ADRA1B: variants seen among roughly 807,000 people sequenced by gnomAD.
ADRA1B encodes the protein alpha-1B adrenergic receptor.
Under a neutral mutation model 17.9 loss-of-function variants are expected in ADRA1B, and 17 were observed. That is an observed-to-expected ratio of 0.95 (90% CI 0.65 to 1.42). The LOEUF is 1.42. Ranked by LOEUF, ADRA1B falls within the 40% of genes most tolerant of loss-of-function variation. ADRA1B has a pLI of 0.00. For missense variants in ADRA1B, 681 were observed against 722.1 expected, an observed-to-expected ratio of 0.94 and a Z score of 0.65; for synonymous variants, 366 against 327.6, an observed-to-expected ratio of 1.12 and a Z score of -1.27.
chr5:159,889,679 A>G (rs1228887044), intron 1 of ADRA1B, among the ~76,000 whole-genome samples: 1 of 152,198 alleles, frequency 6.6e-6, no homozygotes, highest in Non-Finnish European at 1.5e-5. Flanking sequence ...AATGGCATTC[A>G]GGTTCCAACG....
intron 1 of ADRA1B, among the ~76,000 whole-genome samples, chr5:159,896,391 A>G (rs755831015): frequency 1.4e-4 from 21 of 152,216 alleles, no homozygotes; most frequent in African/African-American, 2.4e-5. Context: ...TCTGGGGAAC[A>G]TGCTTCCATG....
chr5:159,922,039 A>G (rs987084323), intron 1 of ADRA1B, among the ~76,000 whole-genome samples: 8 of 152,230 alleles, frequency 5.3e-5, no homozygotes, highest in East Asian at 1.9e-4. Flanking sequence ...CCATTTGACC[A>G]TGTATTAAAT....
chr5:159,954,953 A>G (rs1755477549), intron 1 of ADRA1B, among the ~76,000 whole-genome samples: 1 of 152,106 alleles, frequency 6.6e-6, no homozygotes, highest in South Asian at 2.1e-4. Context: ...GGAGACTTTG[A>G]GGGCTGGAAT....
chr5:159,877,117 G>A (rs944265966), intron 1 of ADRA1B, among the ~76,000 whole-genome samples: 1 of 152,168 alleles, frequency 6.6e-6, no homozygotes, highest in Admixed American at 6.5e-5. Context: ...TTTCTGGAAT[G>A]GGAGCCTCAG....
At chr5:159,910,587 C>G (rs1754217866) in intron 1 of ADRA1B, among the ~76,000 whole-genome samples, 1 of 152,228 alleles carries the variant, frequency 6.6e-6, no homozygotes, top group Non-Finnish European at 1.5e-5. Context: ...CTTTACCGGA[C>G]AGACGGTCTC....
intron 1 of ADRA1B, among the ~76,000 whole-genome samples, chr5:159,908,830 C>T (rs529878276): frequency 1.4e-4 from 22 of 152,310 alleles, no homozygotes; most frequent in Middle Eastern, 3.4e-3. Context: ...CAATGCTTAC[C>T]TGTAAGTGGG....
intron 1 of ADRA1B, among the ~76,000 whole-genome samples, chr5:159,919,443 C>A (rs1182514697): frequency 6.6e-6 from 1 of 152,202 alleles, no homozygotes; most frequent in Admixed American, 6.5e-5. Context: ...GGCCAAATGA[C>A]CACTCCTGTA....
At chr5:159,965,886 C>T (rs1452626030) in intron 1 of ADRA1B, among the ~76,000 whole-genome samples, 3 of 151,972 alleles carry the variant, frequency 2.0e-5, no homozygotes, top group African/African-American at 7.3e-5. Context: ...AGCAATGGAG[C>T]GATCTCAGCT....
At chr5:159,903,648 G>A (rs1034750105) in intron 1 of ADRA1B, among the ~76,000 whole-genome samples, 2 of 152,262 alleles carry the variant, frequency 1.3e-5, no homozygotes, top group African/African-American at 4.8e-5. Flanking sequence ...GGAGTGTGTG[G>A]GAAGGGCGGC....
At chr5:159,964,607 T>C (rs1416875067) in intron 1 of ADRA1B, among the ~76,000 whole-genome samples, 1 of 152,166 alleles carries the variant, frequency 6.6e-6, no homozygotes, top group Non-Finnish European at 1.5e-5. Context: ...TCTCAACCCT[T>C]TGAGGGTTAC....
downstream of ADRA1B, among the ~76,000 whole-genome samples, chr5:159,973,013 C>G (rs758229966): frequency 6.6e-6 from 1 of 152,204 alleles, no homozygotes; most frequent in Admixed American, 6.5e-5. Flanking sequence ...TTCTCCTGTT[C>G]GGCTTTGAGT....
chr5:159,903,062 C>T (rs1468550420), intron 1 of ADRA1B, among the ~76,000 whole-genome samples: 1 of 152,180 alleles, frequency 6.6e-6, no homozygotes, highest in Non-Finnish European at 1.5e-5. Context: ...AAGGGGGACT[C>T]TGCAGACAGA....
chr5:159,931,144 A>G (rs1215665887), intron 1 of ADRA1B, among the ~76,000 whole-genome samples: 1 of 151,220 alleles, frequency 6.6e-6, no homozygotes, highest in African/African-American at 2.4e-5. Context: ...AATCCCAGCA[A>G]TTTGAGAGGC....
chr5:159,956,622 C>G (rs1755554549), intron 1 of ADRA1B, among the ~76,000 whole-genome samples: 1 of 152,158 alleles, frequency 6.6e-6, no homozygotes, highest in East Asian at 1.9e-4. Flanking sequence ...GAAAGCATTA[C>G]TGCAATTTTT....
chr5:159,945,636 C>T (rs542319699), intron 1 of ADRA1B, among the ~76,000 whole-genome samples: 65 of 152,144 alleles, frequency 4.3e-4, no homozygotes, highest in African/African-American at 1.5e-3. Context: ...CCTGTGAGGC[C>T]TTGTAGGTCA....
chr5:159,962,861 T>A (rs1207597037), intron 1 of ADRA1B, among the ~76,000 whole-genome samples: 2 of 144,214 alleles, frequency 1.4e-5, no homozygotes, highest in African/African-American at 5.1e-5. Flanking sequence ...TTTTTTTTTT[T>A]ACTTTTTGGC....
chr5:159,957,506 CAA>C lies in ADRA1B; in HGVS notation c.950-14355_950-14354del, dbSNP rs201392371. On this transcript the variant is annotated intron_variant, in intron 1 of 1. Transcript: ENST00000306675. Reference sequence around the variant, plus strand: ...GGCAATAGAGTGAGAGACTCTGTCTCAAAAAAAAAAAAAAAAAAATTATATTT... The same window carrying C: ...GGCAATAGAGTGAGAGACTCTGTCTCAAAAAAAAAAAAAAAAATTATATTT... Among the ~76,000 whole-genome samples, 575 of 91,882 alleles carry C rather than the reference CAA, an allele frequency of 6.3e-3. 4 individuals carry two copies. The highest frequency in any genetic ancestry group is 0.014 in the African/African-American group (322 of 23,678). 60.3% of individuals were successfully genotyped at this position (91,882 alleles called of 152,430 possible). A position where few individuals can be genotyped will look rare whatever the true frequency, so the allele number is the denominator to read the frequency against.
At chr5:159,944,870 A>G (rs940810909) in intron 1 of ADRA1B, among the ~76,000 whole-genome samples, 2 of 152,190 alleles carry the variant, frequency 1.3e-5, no homozygotes, top group Admixed American at 6.5e-5. Flanking sequence ...CAAGAGTGAA[A>G]AAAACAGGCA....
At position 159,955,174 on chromosome 5, in the gene ADRA1B, G is replaced by A. The variant is rs559808063; in HGVS notation, c.950-16705G>A. On this transcript the variant is annotated intron_variant, in intron 1 of 1. Transcript: ENST00000306675. ...GAGAAGACAAGACACCCTGGAGATG[G>A]TGTACCAGCGTCATTCACTCTGTAT... 45 of 985,388 alleles carry A rather than the reference G, an allele frequency of 4.6e-5. No individual in the cohort carries two copies. The African/African-American group carries it at 6.5e-4, about 14-fold the overall frequency. The allele number at this position is 985,388 out of a possible 1,614,324, so 61.0% of individuals were successfully genotyped here.
Sources: allele counts gnomAD v4.1 joint callset (sites outside exome capture counted in the v4.1 genomes callset), GRCh38; gene constraint gnomAD v4.1.1; transcripts MANE v1.5; gene names NCBI Gene and HGNC (gene_info 2026-07-23, HGNC 2026-07-21).